PDE1A: variants seen among roughly 807,000 people sequenced by gnomAD.
PDE1A encodes the protein dual specificity calcium/calmodulin-dependent 3',5'-cyclic nucleotide phosphodiesterase 1A.
In PDE1A, 35 loss-of-function variants were observed where a neutral mutation model predicts 61.7. The ratio of observed to expected loss-of-function variants is 0.57; its 90% CI spans 0.43 to 0.75. PDE1A has a LOEUF of 0.75. PDE1A is among the 30% of genes least tolerant of loss of function. The probability of loss-of-function intolerance (pLI) is 0.00; values close to 1 mark genes in which losing one functional copy is unlikely to be tolerated. For missense variants in PDE1A, 597 were observed against 630.6 expected (o/e 0.95, Z 0.57); for synonymous variants, 232 against 213.2 (o/e 1.09, Z -0.77).
the PDE1A span, among the ~76,000 whole-genome samples, chr2:182,530,540 T>A: frequency 6.6e-6 from 1 of 152,132 alleles, no homozygotes; most frequent in Non-Finnish European, 1.5e-5. Context: ...AGAGAAAAAT[T>A]CTTACCTATA....
chr2:182,619,916 C>T, the PDE1A span, among the ~76,000 whole-genome samples: 2 of 152,144 alleles, frequency 1.3e-5, no homozygotes, highest in Admixed American at 6.5e-5. Context: ...AGAGAACACA[C>T]TGGGGAGCAA....
intron 7 of PDE1A, among the ~76,000 whole-genome samples, chr2:182,211,519 C>T (rs938802003): frequency 6.6e-6 from 1 of 152,192 alleles, no homozygotes; most frequent in Admixed American, 6.5e-5. Context: ...CCTCTCCATA[C>T]AAACTTTAGA....
chr2:182,369,552 C>G (rs1330641337), intron 1 of PDE1A, among the ~76,000 whole-genome samples: 1 of 151,858 alleles, frequency 6.6e-6, no homozygotes, highest in Non-Finnish European at 1.5e-5. Context: ...AATTTCAGGT[C>G]TCTGGGGTGT....
At chr2:182,464,153 T>A (rs1686495153) in intron 2 of PDE1A, among the ~76,000 whole-genome samples, 1 of 152,178 alleles carries the variant, frequency 6.6e-6, no homozygotes, top group Non-Finnish European at 1.5e-5. Flanking sequence ...ATGTTTTCTT[T>A]AGGCTACTGA....
intron 1 of PDE1A, among the ~76,000 whole-genome samples, chr2:182,379,071 G>A (rs1199184829): frequency 1.3e-5 from 2 of 152,138 alleles, no homozygotes; most frequent in Admixed American, 6.5e-5. Context: ...ATTGAAAAAT[G>A]AGAATAAGGA....
the PDE1A span, among the ~76,000 whole-genome samples, chr2:182,695,927 A>G: frequency 6.6e-6 from 1 of 152,226 alleles, no homozygotes; most frequent in African/African-American, 2.4e-5. Flanking sequence ...CTACATACCT[A>G]TCAGAATGGC....
chr2:182,715,133 TG>T, the PDE1A span, among the ~76,000 whole-genome samples: 1 of 152,204 alleles, frequency 6.6e-6, no homozygotes, highest in Non-Finnish European at 1.5e-5. Flanking sequence ...TGTAACAAAA[TG>T]GTTACACACT....
the PDE1A span, among the ~76,000 whole-genome samples, chr2:182,637,225 C>A: frequency 6.6e-6 from 1 of 152,148 alleles, no homozygotes; most frequent in Non-Finnish European, 1.5e-5. Flanking sequence ...CATCCTATAA[C>A]TGCATCCAGC....
chr2:182,201,663 A>AAAAAAG, intron 9 of PDE1A, 25 bp downstream of exon 9: 1 of 1,517,994 alleles, frequency 6.6e-7, no homozygotes, highest in Non-Finnish European at 8.9e-7. Context: ...AAAAAAAAAA[A>AAAAAAG]CAACAAAAAA....
At chr2:182,307,140 C>A (rs1695642113) in intron 1 of PDE1A, among the ~76,000 whole-genome samples, 1 of 151,930 alleles carries the variant, frequency 6.6e-6, no homozygotes, top group Non-Finnish European at 1.5e-5. Context: ...GGGCAAGGGG[C>A]CTGAATAGAT....
the PDE1A span, among the ~76,000 whole-genome samples, chr2:182,587,662 G>C: frequency 1.3e-5 from 2 of 152,176 alleles, no homozygotes; most frequent in Non-Finnish European, 2.9e-5. Context: ...ATCGATGGCT[G>C]ATCGGGTTTA....
At chr2:182,668,908 A>T in the PDE1A span, among the ~76,000 whole-genome samples, 1 of 152,192 alleles carries the variant, frequency 6.6e-6, no homozygotes, top group Non-Finnish European at 1.5e-5. Context: ...CTTACAGACA[A>T]CAGTGGCTCA....
the PDE1A span, among the ~76,000 whole-genome samples, chr2:182,572,622 C>T: frequency 7.2e-5 from 11 of 152,086 alleles, no homozygotes; most frequent in Admixed American, 1.3e-4. Context: ...GTGGCTCACG[C>T]GAGTAATTCC....
At chr2:182,373,159 A>G (rs1700211072) in intron 1 of PDE1A, among the ~76,000 whole-genome samples, 1 of 152,214 alleles carries the variant, frequency 6.6e-6, no homozygotes, top group Non-Finnish European at 1.5e-5. Flanking sequence ...TGAGTCAGGC[A>G]TCCTGAATCT....
chr2:182,336,131 A>G (rs1294820833), intron 1 of PDE1A, among the ~76,000 whole-genome samples: 1 of 152,200 alleles, frequency 6.6e-6, no homozygotes, highest in African/African-American at 2.4e-5. Context: ...CATGGTGAAG[A>G]GGATGTGAAG....
At chr2:182,602,370 G>A in the PDE1A span, among the ~76,000 whole-genome samples, 10 of 152,230 alleles carry the variant, frequency 6.6e-5, no homozygotes, top group East Asian at 3.9e-4. Flanking sequence ...TGTCTGGAGC[G>A]GCCACTGCCA....
chr2:182,365,690 T>C (rs936095618), intron 1 of PDE1A, among the ~76,000 whole-genome samples: 2 of 151,980 alleles, frequency 1.3e-5, no homozygotes, highest in Non-Finnish European at 2.9e-5. Context: ...TTAATATTGT[T>C]TAGACTTGAT....
chr2:182,411,512 T>C (rs1702614605), intron 1 of PDE1A, among the ~76,000 whole-genome samples: 1 of 152,176 alleles, frequency 6.6e-6, no homozygotes, highest in African/African-American at 2.4e-5. Context: ...TTTACTTCTG[T>C]TTGGCTTGGA....
intron 1 of PDE1A, among the ~76,000 whole-genome samples, chr2:182,424,198 G>A (rs1321286609): frequency 1.3e-5 from 2 of 152,100 alleles, no homozygotes; most frequent in African/African-American, 4.8e-5. Context: ...ACTCACCTTG[G>A]CCTCCCAAAG....
Sources: gnomAD v4.1 joint callset for allele counts (sites outside exome capture counted in the v4.1 genomes callset) on GRCh38, gnomAD v4.1.1 for gene constraint, MANE v1.5 for transcripts, NCBI Gene and HGNC (gene_info 2026-07-23, HGNC 2026-07-21) for gene names.